NREP: variants seen among roughly 807,000 people sequenced by gnomAD.
The protein encoded by NREP is neuronal regeneration-related protein.
Under a neutral mutation model 8.6 loss-of-function variants are expected in NREP, and 5 were observed. That is an observed-to-expected ratio of 0.58 (90% CI 0.30 to 1.22). The LOEUF (loss-of-function observed/expected upper bound fraction) is 1.22, where lower values mean the gene tolerates loss of function less well. Ranked by LOEUF, NREP falls within the 50% of genes most tolerant of loss-of-function variation. NREP has a pLI of 0.07. For synonymous variants in NREP, 27 were observed against 28.0 expected (o/e 0.96, Z 0.11); for missense variants, 86 against 82.5 (o/e 1.04, Z -0.17).
Position 111,871,053 on chromosome 5 carries a change from CGT to C in NREP, c.135+104219_135+104220del, listed in dbSNP as rs34667486. 1.1e-3 allele frequency among the ~76,000 whole-genome samples: 157 copies of C among 142,692 alleles called. 1 individual carries two copies. The highest frequency in any genetic ancestry group is 3.5e-3 in the Middle Eastern group (1 of 286). The allele number at this position is 142,692 out of a possible 152,430, so 93.6% of individuals were successfully genotyped here. On this transcript the variant is annotated intron_variant, in intron 2 of 3. Coordinates refer to the NREP transcript ENST00000395634. ...TTCTCTAGAAAAACAGAACCAATGG[CGT>C]GTGTGTGTGTGTGTGTGTGTGTGTG...
chr5:111,860,302 T>C (rs1035109253), intron 2 of NREP, among the ~76,000 whole-genome samples: 3 of 152,180 alleles, frequency 2.0e-5, no homozygotes, highest in Non-Finnish European at 4.4e-5. Flanking sequence ...TCTTCCCGTT[T>C]ACCTAGAGCC....
At chr5:111,790,001 C>T (rs564020392) in intron 2 of NREP, among the ~76,000 whole-genome samples, 7 of 151,904 alleles carry the variant, frequency 4.6e-5, no homozygotes, top group Non-Finnish European at 8.8e-5. Context: ...CCTAGATACA[C>T]AACTTGCAAC....
chr5:111,955,916 A>C (rs1756303470), intron 2 of NREP, among the ~76,000 whole-genome samples: 1 of 151,748 alleles, frequency 6.6e-6, no homozygotes, highest in Non-Finnish European at 1.5e-5. Flanking sequence ...AAAAAAAACA[A>C]AAACGTTGGG....
At chr5:111,800,440 T>C (rs1751978082) in intron 2 of NREP, among the ~76,000 whole-genome samples, 1 of 152,238 alleles carries the variant, frequency 6.6e-6, no homozygotes, top group East Asian at 1.9e-4. Flanking sequence ...GTGCTTAGTT[T>C]AATGCTCTGC....
At position 111,949,113 on chromosome 5, in the gene NREP, C is replaced by T. The variant is rs1581243702; in HGVS notation, c.135+26161G>A. ...TCTTTGTTTCCTCAACCAGCAATTT[C>T]CCATAGCAATCTATTCCAATCACAA... is the stretch of plus-strand genomic sequence containing the variant. On this transcript the variant is annotated intron_variant, in intron 2 of 3. Coordinates refer to the NREP transcript ENST00000395634. The T allele has an allele frequency of 2.6e-5, 4 of 152,020 alleles. No individual in the cohort carries two copies. In the East Asian group the frequency reaches 7.8e-4, roughly 30 times the overall value. The allele number at this position is 152,020 out of a possible 1,614,324, so 9.4% of individuals were successfully genotyped here.
At chr5:111,927,342 C>A (rs1755416910) in intron 2 of NREP, among the ~76,000 whole-genome samples, 1 of 152,096 alleles carries the variant, frequency 6.6e-6, no homozygotes. Context: ...TTCCAAACCA[C>A]ATGATAAGCA....
chr5:111,855,947 A>G (rs1753417442), intron 2 of NREP, among the ~76,000 whole-genome samples: 1 of 152,196 alleles, frequency 6.6e-6, no homozygotes, highest in Non-Finnish European at 1.5e-5. Flanking sequence ...TGTTTTGTCT[A>G]CTTTTCTTTG....
chr5:111,880,234 AACGTGTTAAT>A (rs1754017329), intron 2 of NREP, among the ~76,000 whole-genome samples: 1 of 152,190 alleles, frequency 6.6e-6, no homozygotes, highest in African/African-American at 2.4e-5. Flanking sequence ...ATGAGAATTA[AACGTGTTAAT>A]ACCTGGCACA....
At chr5:111,963,171 C>A (rs979852986) in intron 2 of NREP, among the ~76,000 whole-genome samples, 10 of 152,222 alleles carry the variant, frequency 6.6e-5, no homozygotes, top group Admixed American at 5.2e-4. Flanking sequence ...TCACAGGCAC[C>A]CCCAGCTGAG....
chr5:111,920,933 T>C (rs543405725), intron 2 of NREP, among the ~76,000 whole-genome samples: 2 of 152,128 alleles, frequency 1.3e-5, no homozygotes, highest in Non-Finnish European at 2.9e-5. Flanking sequence ...CACTGTATGT[T>C]TGTACATCAC....
intron 2 of NREP, among the ~76,000 whole-genome samples, chr5:111,807,277 A>G (rs1752164548): frequency 6.6e-6 from 1 of 152,172 alleles, no homozygotes; most frequent in African/African-American, 2.4e-5. Flanking sequence ...TCTTTTATAA[A>G]ATGGAAAAAA....
upstream of NREP, among the ~76,000 whole-genome samples, chr5:111,760,339 T>C (rs1327520218): frequency 6.6e-6 from 1 of 151,968 alleles, no homozygotes; most frequent in Non-Finnish European, 1.5e-5. Context: ...TCTCCTGAGG[T>C]GGAAAGAGGT....
At chr5:111,829,997 T>A (rs920792301) in intron 2 of NREP, among the ~76,000 whole-genome samples, 1 of 152,118 alleles carries the variant, frequency 6.6e-6, no homozygotes, top group Non-Finnish European at 1.5e-5. Context: ...CTAGACAGAT[T>A]CTTGTAATTA....
At chr5:111,838,715 A>ATG (rs140212848) in intron 2 of NREP, among the ~76,000 whole-genome samples, 4 of 151,952 alleles carry the variant, frequency 2.6e-5, no homozygotes, top group Admixed American at 6.6e-5. Flanking sequence ...ATATATATAT[A>ATG]TGTGTGTGTG....
At chr5:111,971,102 T>A (rs1435010920) in intron 2 of NREP, among the ~76,000 whole-genome samples, 1 of 152,206 alleles carries the variant, frequency 6.6e-6, no homozygotes, top group Admixed American at 6.5e-5. Context: ...TACACAGGAA[T>A]TCAATAGATT....
chr5:111,834,221 T>C (rs1459537261), intron 2 of NREP, among the ~76,000 whole-genome samples: 3 of 152,200 alleles, frequency 2.0e-5, no homozygotes, highest in African/African-American at 4.8e-5. Flanking sequence ...ATGTCTTCTG[T>C]CAGCATCCAT....
rs190598661 is a variant in NREP at position 111,835,343 on chromosome 5, G to A, written c.136-99836C>T. ...AGGACCTACCACAGCCAGCCAATAG[G>A]AATAGTAATAGTATTAATAAGACCT... On this transcript the variant is annotated intron_variant, in intron 2 of 3. Transcript: ENST00000395634. Among the ~76,000 whole-genome samples the A allele has an allele frequency of 1.9e-3, 285 of 152,130 alleles. 2 individuals carry two copies. Among genetic ancestry groups the A allele is most frequent in the Admixed American group, 0.019 (284 of 15,254 alleles).
chr5:111,882,485 C>T (rs1213493740), intron 2 of NREP, among the ~76,000 whole-genome samples: 2 of 152,100 alleles, frequency 1.3e-5, no homozygotes, highest in South Asian at 4.1e-4. Context: ...GAGAACGCAA[C>T]AAAGATACTC....
At chr5:111,850,739 A>G (rs2112467124) in intron 2 of NREP, among the ~76,000 whole-genome samples, 1 of 152,274 alleles carries the variant, frequency 6.6e-6, no homozygotes, top group South Asian at 2.1e-4. Flanking sequence ...TGAAATATGT[A>G]AAGCTGTGAC....
Sources: allele counts gnomAD v4.1 joint callset (sites outside exome capture counted in the v4.1 genomes callset), GRCh38; gene constraint gnomAD v4.1.1; transcripts MANE v1.5; gene names NCBI Gene and HGNC (gene_info 2026-07-23, HGNC 2026-07-21).